GC: variants seen among roughly 807,000 people sequenced by gnomAD.
GC encodes GC vitamin D binding protein, also known as vitamin D-binding protein.
A neutral mutation model predicts 56.7 loss-of-function variants in GC; 43 were observed. The ratio of observed to expected loss-of-function variants is 0.76; its 90% CI spans 0.59 to 0.98. GC has a LOEUF of 0.98. Among genes scored for constraint, GC ranks in the 50% least tolerant of loss-of-function variants. GC has a pLI of 0.00. For missense variants in GC, 529 were observed against 545.9 expected, an observed-to-expected ratio of 0.97 and a Z score of 0.31; for synonymous variants, 216 against 202.7, an observed-to-expected ratio of 1.07 and a Z score of -0.56.
In GC at chr4:71,784,078, G is replaced by GTTTCCTTTT; in HGVS notation, c.-61_-60insAAAAGGAAA. ...TCCTGTAGGTGACCATGTAAAAGTG[G>GTTTCCTTTT]TAGCCAAAAGTAATTGGTTTCCTTT... On this transcript the variant is annotated 5_prime_UTR_variant, in exon 1 of 13. Coordinates refer to ENST00000273951, the MANE Select transcript of GC (RefSeq NM_000583.4). 2 of 1,548,878 alleles carry GTTTCCTTTT rather than the reference G, an allele frequency of 1.3e-6. No homozygotes were observed. Among genetic ancestry groups the GTTTCCTTTT allele is most frequent in the South Asian group, 2.5e-5 (2 of 78,796 alleles).
chr4:71,790,376 G>C (rs1317352518), intron 1 of GC, among the ~76,000 whole-genome samples: 1 of 151,894 alleles, frequency 6.6e-6, no homozygotes, highest in African/African-American at 2.4e-5. Flanking sequence ...TTTCAATCTA[G>C]CTGTGCCTTT....
At chr4:71,793,975 T>A (rs561484910) in intron 1 of GC, among the ~76,000 whole-genome samples, 12 of 152,364 alleles carry the variant, frequency 7.9e-5, no homozygotes, top group African/African-American at 2.6e-4. Context: ...TTTGCTTATG[T>A]TGAACCAGCC....
Position 71,763,852 on chromosome 4 carries a change from T to C in GC, c.558A>G (p.Val186=), listed in dbSNP as rs1198646906. 6.2e-7 allele frequency: 1 copy of C among 1,612,398 alleles called. No individual in the cohort carries two copies. Among genetic ancestry groups the C allele is most frequent in the Non-Finnish European group, 8.5e-7 (1 of 1,178,430 alleles). The change falls in exon 5 of 13, where the codon GTA becomes GTG. Residue 186 remains valine, a synonymous_variant. Coordinates refer to ENST00000273951, the MANE Select transcript of GC (RefSeq NM_000583.4). The stretch of plus-strand genomic sequence containing the variant: ...GGCTTGCAGAGGTACAGCAGGACCC[T>C]ACCATAGAAAGATAACTCTTGGTGT... ...VSYTKSYLSM[V]GSCCTSASPT...
chr4:71,745,934 A>G (rs1044637334), intron 12 of GC, among the ~76,000 whole-genome samples: 7 of 151,994 alleles, frequency 4.6e-5, no homozygotes, highest in Admixed American at 3.3e-4. Flanking sequence ...GCAGGGGACC[A>G]GTAAACCTGG....
intron 11 of GC, among the ~76,000 whole-genome samples, chr4:71,746,546 T>C (rs1170153710): frequency 6.6e-6 from 1 of 152,008 alleles, no homozygotes; most frequent in Non-Finnish European, 1.5e-5. Context: ...AGATGTCTTC[T>C]AACTTGAACT....
chr4:71,764,033 A>G (rs1056653608), intron 4 of GC, 97 bp from the exon 5 acceptor site: 4 of 890,864 alleles, frequency 4.5e-6, no homozygotes, highest in African/African-American at 1.6e-5. Context: ...TCTAGGCTGG[A>G]GTACATGGTA....
intron 11 of GC, among the ~76,000 whole-genome samples, chr4:71,751,121 T>C (rs1741542059): frequency 6.6e-6 from 1 of 152,072 alleles, no homozygotes; most frequent in Non-Finnish European, 1.5e-5. Context: ...TCTAAAAAAA[T>C]GAAATGCTTG....
At position 71,755,071 on chromosome 4, in the gene GC, CG is replaced by C. The variant is rs1741720376; in HGVS notation, c.1070del (p.Pro357ArgfsTer13). On this transcript the variant is annotated frameshift_variant, in exon 9 of 13. Coordinates refer to ENST00000273951, the MANE Select transcript of GC (RefSeq NM_000583.4). LOFTEE classifies it high-confidence loss of function. ...TFELSRRTHLPEVFLSKVLEP... is the reference protein window; with the variant it reads ...TFELSRRTHLXEVFLSKVLEP... ...CAAGTACCTTACTGAGGAATACTTCCGGAAGATGAGTCCTTCTGCTTAGTTC... is the reference window on the plus strand; with the variant it reads ...CAAGTACCTTACTGAGGAATACTTCCGAAGATGAGTCCTTCTGCTTAGTTC... The C allele has an allele frequency of 6.3e-7, 1 of 1,592,166 alleles. No individual in the cohort carries two copies. The highest frequency in any genetic ancestry group is 8.6e-7 in the Non-Finnish European group (1 of 1,165,186).
chr4:71,752,831 C>T (rs1013879609), intron 10 of GC, among the ~76,000 whole-genome samples, 181 bp from the exon 11 acceptor site: 6 of 152,058 alleles, frequency 3.9e-5, no homozygotes, highest in Middle Eastern at 3.2e-3. Flanking sequence ...GAAAGTGAAA[C>T]ATGCCTCTTC....
At chr4:71,780,991 T>C (rs1742657306) in intron 1 of GC, among the ~76,000 whole-genome samples, 1 of 152,106 alleles carries the variant, frequency 6.6e-6, no homozygotes, top group Non-Finnish European at 1.5e-5. Context: ...AACCCAAATG[T>C]CCATCAATGA....
At chr4:71,801,279 G>T (rs560567383) in intron 1 of GC, among the ~76,000 whole-genome samples, 5 of 152,180 alleles carry the variant, frequency 3.3e-5, no homozygotes, top group South Asian at 2.1e-4. Context: ...ATGAAATATC[G>T]CTTTACACCT....
At chr4:71,790,280 A>G (rs1302590096) in intron 1 of GC, among the ~76,000 whole-genome samples, 1 of 152,024 alleles carries the variant, frequency 6.6e-6, no homozygotes, top group Non-Finnish European at 1.5e-5. Context: ...CCAACCAAAA[A>G]AACTTTTGCA....
At chr4:71,782,999 A>G (rs1469936411) in intron 1 of GC, among the ~76,000 whole-genome samples, 6 of 151,826 alleles carry the variant, frequency 4.0e-5, no homozygotes, top group Non-Finnish European at 8.8e-5. Context: ...ATGAAATAAG[A>G]CCAAGGAAAA....
At chr4:71,767,106 G>A (rs1237772323) in intron 3 of GC, among the ~76,000 whole-genome samples, 2 of 152,138 alleles carry the variant, frequency 1.3e-5, no homozygotes, top group African/African-American at 2.4e-5. Flanking sequence ...TGAACTTGGT[G>A]GAAGAAAAGG....
At chr4:71,748,391 A>C (rs1192933747) in intron 11 of GC, among the ~76,000 whole-genome samples, 1 of 152,024 alleles carries the variant, frequency 6.6e-6, no homozygotes, top group African/African-American at 2.4e-5. Flanking sequence ...CCCGGCTTCC[A>C]CTTGGCTATT....
intron 1 of GC, among the ~76,000 whole-genome samples, chr4:71,775,895 A>G (rs1742493186): frequency 6.6e-6 from 1 of 152,060 alleles, no homozygotes; most frequent in African/African-American, 2.4e-5. Flanking sequence ...CAACAGGTTT[A>G]TAAAAAATGT....
intron 11 of GC, among the ~76,000 whole-genome samples, chr4:71,749,387 G>A (rs1422155103): frequency 2.0e-5 from 3 of 152,154 alleles, no homozygotes; most frequent in South Asian, 2.1e-4. Flanking sequence ...ATGAATTTGC[G>A]CTTAAAGCTC....
At chr4:71,745,641 G>A (rs1417215367) in intron 12 of GC, among the ~76,000 whole-genome samples, 5 of 150,184 alleles carry the variant, frequency 3.3e-5, no homozygotes, top group South Asian at 2.1e-4. Context: ...GTGAACTTAC[G>A]TTGGAATAAA....
chr4:71,747,213 A>G (rs768401927), intron 11 of GC, among the ~76,000 whole-genome samples: 33 of 152,186 alleles, frequency 2.2e-4, no homozygotes, highest in Non-Finnish European at 4.3e-4. Flanking sequence ...TCAATTTCTT[A>G]TGGGACAAGA....
Sources: allele counts gnomAD v4.1 joint callset (sites outside exome capture counted in the v4.1 genomes callset), GRCh38; gene constraint gnomAD v4.1.1; transcripts MANE v1.5; gene names NCBI Gene and HGNC (gene_info 2026-07-23, HGNC 2026-07-21).